Variants in MUC4 observed in about 807,000 individuals in gnomAD.
The protein encoded by MUC4 is mucin-4.
In MUC4, 202 loss-of-function variants were observed where a neutral mutation model predicts 257.9. That is an observed-to-expected ratio of 0.78 (90% CI 0.70 to 0.88). MUC4 has a LOEUF of 0.88. Among genes scored for constraint, MUC4 ranks in the 40% least tolerant of loss-of-function variants. The probability of loss-of-function intolerance (pLI) is 0.00; values close to 1 mark genes in which losing one functional copy is unlikely to be tolerated. For synonymous variants in MUC4, 2,351 were observed against 2,757.1 expected (o/e 0.85, Z 4.62); for missense variants, 5,976 against 6,513.7 (o/e 0.92, Z 2.84).
Position 195,786,242 on chromosome 3 carries a change from T to G in MUC4, c.5338A>C (p.Thr1780Pro). ...STAHATPLPV[T>P]GLSSASTDDT... ...TCTGTGGAAGCTGAAGAAAGGCCGG[T>G]GACAGGAAGTGGGGTGGCGTGAGCT... The change falls in exon 2 of 25, where the codon ACC (threonine) becomes CCC (proline). Residue 1780 changes from threonine (T) to proline (P), a missense_variant. By Grantham distance (38) the Thr-to-Pro change is conservative. Transcript: ENST00000463781. 6.8e-7 allele frequency: 1 copy of G among 1,479,816 alleles called. No individual in the cohort carries two copies. The highest frequency in any genetic ancestry group is 9.1e-7 in the Non-Finnish European group (1 of 1,096,772). 91.7% of individuals were successfully genotyped at this position (1,479,816 alleles called of 1,614,324 possible).
chr3:195,776,804 C>G (rs370175337), intron 3 of MUC4, among the ~76,000 whole-genome samples: 43 of 73,180 alleles, frequency 5.9e-4, no homozygotes, highest in South Asian at 1.2e-3. Flanking sequence ...ACCTTCCACA[C>G]CCATACCTTC....
rs749903959 is a variant in MUC4, at chr3:195,782,851, G to C, written c.8729C>G (p.Thr2910Ser). 3 of 1,523,760 alleles carry C rather than the reference G, an allele frequency of 2.0e-6. No homozygotes were observed. Among genetic ancestry groups the C allele is most frequent in the African/African-American group, 1.4e-5 (1 of 70,500 alleles). The allele number at this position is 1,523,760 out of a possible 1,614,324, so 94.4% of individuals were successfully genotyped here. A position where few individuals can be genotyped will look rare whatever the true frequency, so the allele number is the denominator to read the frequency against. The change falls in exon 2 of 25, where the codon ACC becomes AGC. Residue 2910 changes from threonine to serine, a missense_variant. This residue lies in a region of MUC4 where 228 missense variants were observed against 206.3 expected (regional missense o/e 1.11). Transcript: ENST00000463781. ...TSLSSVSTGD[T>S]TPLPVTDTSS... ...AGTGTCGGTGACAGGAAGAGGCGTGGTGTCACCTGTGGATACTGAGGAAAG... is the reference window on the plus strand; with the variant it reads ...AGTGTCGGTGACAGGAAGAGGCGTGCTGTCACCTGTGGATACTGAGGAAAG...
At chr3:195,763,039 G>T in intron 12 of MUC4, 94 bp from the exon 13 acceptor site, 3 of 1,086,564 alleles carry the variant, frequency 2.8e-6, no homozygotes, top group South Asian at 1.4e-5. Flanking sequence ...TGGAAGCTGC[G>T]CCCTGGGCCG....
rs1488411291 is a variant in MUC4 at position 195,767,546 on chromosome 3, CCAT to C, written c.13530-798_13530-796del. Among the ~76,000 whole-genome samples the C allele has an allele frequency of 2.2e-3, 259 of 115,848 alleles. 1 individual carries two copies. Among genetic ancestry groups the C allele is most frequent in the African/African-American group, 0.012 (241 of 19,316 alleles). The allele number at this position is 115,848 out of a possible 152,430, so 76.0% of individuals were successfully genotyped here. On this transcript the variant is annotated intron_variant, in intron 7 of 24. Coordinates refer to ENST00000463781, the MANE Select transcript of MUC4 (RefSeq NM_018406.7). ...ACCACCATCGCCACCACCATCATCA[CCAT>C]CACCATTACCATTGCCACCACCATC...
At chr3:195,763,913 T>C in intron 11 of MUC4, 132 bp downstream of exon 11, 1 of 1,361,838 alleles carries the variant, frequency 7.3e-7, no homozygotes, top group Admixed American at 2.7e-5. Flanking sequence ...CATCCACCCA[T>C]CACTGGCGTC....
At chr3:195,797,203 A>C (rs1235788962) in intron 1 of MUC4, among the ~76,000 whole-genome samples, 1 of 152,090 alleles carries the variant, frequency 6.6e-6, no homozygotes, top group African/African-American at 2.4e-5. Flanking sequence ...CAGGAGGCAG[A>C]GATTGCAGTG....
At chr3:195,748,391 C>G (rs1259975976) in intron 24 of MUC4, among the ~76,000 whole-genome samples, 3 of 152,270 alleles carry the variant, frequency 2.0e-5, no homozygotes, top group African/African-American at 7.2e-5. Context: ...TGGCGAAACC[C>G]CGTCTCTACT....
In MUC4 at chr3:195,754,378, G is replaced by A. The variant is rs759990096; in HGVS notation, c.15169-6C>T. 2.5e-6 allele frequency: 4 copies of A among 1,602,888 alleles called. No homozygotes were observed. The highest frequency in any genetic ancestry group is 3.4e-6 in the Non-Finnish European group (4 of 1,173,992). Reference sequence around the variant, plus strand: ...TCACACTTGCAGCCAGCCACCTGGAGGAGGGTTGCCGATCACGGGCGGCCA... The same window carrying A: ...TCACACTTGCAGCCAGCCACCTGGAAGAGGGTTGCCGATCACGGGCGGCCA... On this transcript the variant is annotated splice_region_variant and splice_polypyrimidine_tract_variant and intron_variant, in intron 18 of 24. Transcript: ENST00000463781.
intron 1 of MUC4, among the ~76,000 whole-genome samples, chr3:195,797,042 A>T (rs1378003961): frequency 6.6e-6 from 1 of 152,206 alleles, no homozygotes; most frequent in Non-Finnish European, 1.5e-5. Flanking sequence ...CGGGAGTTCC[A>T]GACCAGCCTG....
rs879945190 is a variant in MUC4, at chr3:195,757,414, C to G, written c.14987-86G>C. The G allele has an allele frequency of 1.6e-6, 2 of 1,274,942 alleles. No individual in the cohort carries two copies. The highest frequency in any genetic ancestry group is 2.3e-5 in the Admixed American group (1 of 43,914). 79.0% of individuals were successfully genotyped at this position (1,274,942 alleles called of 1,614,324 possible). A position where few individuals can be genotyped will look rare whatever the true frequency, so the allele number is the denominator to read the frequency against. ...TGCTGATACGGGGCTTCCCCCACCC[C>G]TCTCAGGCCACCCTCCCCCTCCCCA... On this transcript the variant is annotated intron_variant, in intron 17 of 24. Transcript: ENST00000463781. The surrounding 1 kb of genome is among the most constrained non-coding windows in gnomAD (Gnocchi z 4.8).
chr3:195,770,082 G>C, intron 6 of MUC4, 134 bp downstream of exon 6: 1 of 928,868 alleles, frequency 1.1e-6, no homozygotes, highest in Non-Finnish European at 1.5e-6. Flanking sequence ...TGGGGGGGTG[G>C]CGGTGGGGGG....
intron 1 of MUC4, among the ~76,000 whole-genome samples, chr3:195,809,343 G>T (rs536125635): frequency 6.6e-6 from 1 of 152,184 alleles, no homozygotes; most frequent in Admixed American, 6.5e-5. Flanking sequence ...GTATAGGCAG[G>T]TCATCTGTAA....
chr3:195,800,890 G>GAAAAAA (rs59625247), intron 1 of MUC4, among the ~76,000 whole-genome samples: 1 of 91,334 alleles, frequency 1.1e-5, no homozygotes, highest in African/African-American at 4.1e-5. Context: ...CCCCTTCTCT[G>GAAAAAA]AAAAAAAAAA....
In MUC4 at chr3:195,789,909, T is replaced by G. The variant is rs750098001; in HGVS notation, c.1671A>C (p.Lys557Asn). ...GTGTCTGGGCGCCTGCCCCTGTTGT[T>G]TTTGGGAGAGTTGTGCTGTGGGAGG... Reference protein sequence around the residue: ...TYSSHSTTLPKTTGAGAQTQW... With the variant: ...TYSSHSTTLPNTTGAGAQTQW... Residue 557 changes from lysine (K) to asparagine (N), a missense_variant, in exon 2 of 25, where the codon AAA becomes AAC. Lys to Asn is a moderately conservative substitution (Grantham distance 94, BLOSUM62 0). Transcript: ENST00000463781. 1 of 1,613,792 alleles carries G rather than the reference T, an allele frequency of 6.2e-7. No homozygotes were observed. The highest frequency in any genetic ancestry group is 1.3e-5 in the African/African-American group (1 of 74,884).
Position 195,778,348 on chromosome 3 carries a change from G to C in MUC4, c.12898C>G (p.His4300Asp). 2 of 1,612,930 alleles carry C rather than the reference G, an allele frequency of 1.2e-6. No homozygotes were observed. The highest frequency in any genetic ancestry group is 1.7e-6 in the Non-Finnish European group (2 of 1,179,892). ...ATGGGGGCAGCTGTGGAGCGGGTGTGCATGGCAGTGCTGGGAATGGTGGAA... is the reference window on the plus strand; with the variant it reads ...ATGGGGGCAGCTGTGGAGCGGGTGTCCATGGCAGTGCTGGGAATGGTGGAA... ...IISTIPSTAM[H>D]TRSTAAPIPI... The change falls in exon 3 of 25, where the codon CAC becomes GAC. Residue 4300 changes from histidine to aspartate, a missense_variant. By Grantham distance (81) the His-to-Asp change is moderately conservative. This residue lies in a region of MUC4 where 233 missense variants were observed against 171.2 expected (regional missense o/e 1.36). Coordinates refer to ENST00000463781, the MANE Select transcript of MUC4 (RefSeq NM_018406.7).
Position 195,762,109 on chromosome 3 carries a change from C to T in MUC4, c.14490G>A (p.Gln4830=). The T allele has an allele frequency of 6.2e-7, 1 of 1,605,268 alleles. No individual in the cohort carries two copies. The highest frequency in any genetic ancestry group is 8.5e-7 in the Non-Finnish European group (1 of 1,177,960). ...HASASLPPEY[Q]NRTEGLLGVW... ...CACCCAGGAGCCCCTCCGTGCGGTT[C>T]TGGTACTCGGGCGGGAGGCTGGCGG... Residue 4830 remains glutamine (Q), a synonymous_variant, in exon 14 of 25, where the codon CAG becomes CAA. Coordinates refer to ENST00000463781, the MANE Select transcript of MUC4 (RefSeq NM_018406.7).
At chr3:195,750,494 C>G (rs1346680320) in intron 23 of MUC4, 17 of 298,146 alleles carry the variant, frequency 5.7e-5, no homozygotes, top group East Asian at 4.9e-4. Flanking sequence ...GTAGTTGCCT[C>G]TGTCCCTGGC....
At chr3:195,753,354 C>A in intron 19 of MUC4, 124 bp from the exon 20 acceptor site, 1 of 926,112 alleles carries the variant, frequency 1.1e-6, no homozygotes, top group Admixed American at 2.6e-5. Flanking sequence ...CCACTCGGAA[C>A]CCCAAACCAT....
chr3:195,763,900 G>T, intron 11 of MUC4, 145 bp downstream of exon 11: 1 of 1,314,396 alleles, frequency 7.6e-7, no homozygotes, highest in South Asian at 1.6e-5. Context: ...CCCCTCCACT[G>T]ACCATCCACC....
Sources: gnomAD v4.1 joint callset for allele counts (sites outside exome capture counted in the v4.1 genomes callset) on GRCh38, gnomAD v4.1.1 for gene constraint, gnomAD v4.1.1 regional missense constraint, Gnocchi (gnomAD v3.1) non-coding constraint, MANE v1.5 for transcripts, NCBI Gene and HGNC (gene_info 2026-07-23, HGNC 2026-07-21) for gene names.